The following TTC27 variants were observed in gnomAD, a reference collection of about 807,000 sequenced individuals.
The protein encoded by TTC27 is tetratricopeptide repeat domain 27, also known as tetratricopeptide repeat protein 27.
A neutral mutation model predicts 115.9 loss-of-function variants in TTC27; 79 were observed. The observed-to-expected ratio is 0.68, with a 90% confidence interval of 0.57 to 0.82. TTC27 has a LOEUF of 0.82. Ranked by LOEUF, TTC27 falls within the 40% of genes least tolerant of loss-of-function variation. The pLI is 0.00. For missense variants in TTC27, 1,054 were observed against 993.1 expected (o/e 1.06, Z -0.82); for synonymous variants, 401 against 356.0 (o/e 1.13, Z -1.42).
Position 32,666,776 on chromosome 2 carries a change from G to A in TTC27, c.939+8G>A. ...CAGGAACATTTAACCAAGGCAAGTA[G>A]GACATTAAGTTATTAAATTCAATTA... On this transcript the variant is annotated splice_region_variant and intron_variant, in intron 7 of 19. Coordinates refer to ENST00000317907, the MANE Select transcript of TTC27 (RefSeq NM_017735.5). 6.2e-7 allele frequency: 1 copy of A among 1,610,122 alleles called. No homozygotes were observed. The highest frequency in any genetic ancestry group is 2.2e-5 in the East Asian group (1 of 44,774).
chr2:32,737,223 C>T (rs1251088951), intron 12 of TTC27, among the ~76,000 whole-genome samples: 1 of 152,096 alleles, frequency 6.6e-6, no homozygotes, highest in Non-Finnish European at 1.5e-5. Context: ...TGTGACGACA[C>T]CTCTTGAGGC....
chr2:32,706,586 C>T lies in TTC27; in HGVS notation c.1233+3666C>T, dbSNP rs372994830. On this transcript the variant is annotated intron_variant, in intron 10 of 19. Coordinates refer to ENST00000317907, the MANE Select transcript of TTC27 (RefSeq NM_017735.5). ...CTCCCTCGCCTTTTTGTTTTTGAGA[C>T]AGAGTGTTACTCTTGTCGCCCAGGC... Among the ~76,000 whole-genome samples the T allele has an allele frequency of 4.1e-4, 63 of 152,136 alleles. 1 individual carries two copies. The highest frequency in any genetic ancestry group is 4.4e-4 in the Non-Finnish European group (30 of 67,986).
At chr2:32,639,898 C>T (rs549424889) in intron 3 of TTC27, among the ~76,000 whole-genome samples, 1 of 152,200 alleles carries the variant, frequency 6.6e-6, no homozygotes, top group East Asian at 1.9e-4. Context: ...CAGCTATTCG[C>T]CCAGGCAGGA....
At chr2:32,765,114 A>G (rs1450438928) in intron 13 of TTC27, among the ~76,000 whole-genome samples, 1 of 152,178 alleles carries the variant, frequency 6.6e-6, no homozygotes, top group Non-Finnish European at 1.5e-5. Flanking sequence ...TCCTTTCCAG[A>G]AGATTTTCAA....
chr2:32,725,214 A>G (rs1341669030), intron 10 of TTC27, among the ~76,000 whole-genome samples: 2 of 152,140 alleles, frequency 1.3e-5, no homozygotes, highest in Admixed American at 1.3e-4. Flanking sequence ...TTCAAAATCA[A>G]TCATGCCATC....
chr2:32,807,930 T>TA (rs1415644479), intron 16 of TTC27, among the ~76,000 whole-genome samples: 12 of 143,228 alleles, frequency 8.4e-5, no homozygotes, highest in Admixed American at 7.0e-4. Flanking sequence ...CTTGCCCTCT[T>TA]TTTTTTTTTT....
At chr2:32,773,349 T>C (rs779128805) in intron 13 of TTC27, among the ~76,000 whole-genome samples, 1 of 152,202 alleles carries the variant, frequency 6.6e-6, no homozygotes, top group Non-Finnish European at 1.5e-5. Flanking sequence ...CTATGTTTTC[T>C]TTTGTCCACC....
rs45494293 is a variant in TTC27 at position 32,672,139 on chromosome 2, A to C, written c.940-133A>C. 0.08 allele frequency: 47,220 copies of C among 590,512 alleles called. 2,365 individuals are homozygous for C. The highest frequency in any genetic ancestry group is 0.1 in the Non-Finnish European group (34,725 of 337,714). 36.6% of individuals were successfully genotyped at this position (590,512 alleles called of 1,614,324 possible). The stretch of plus-strand genomic sequence containing the variant: ...AATTGTTTCCAAATATGTGTTTCAC[A>C]AGAAATAGCCTATTGACCATATGTC... On this transcript the variant is annotated intron_variant, in intron 7 of 19. Coordinates refer to ENST00000317907, the MANE Select transcript of TTC27 (RefSeq NM_017735.5).
intron 10 of TTC27, among the ~76,000 whole-genome samples, chr2:32,724,844 A>G (rs1668053339): frequency 6.6e-6 from 1 of 152,214 alleles, no homozygotes; most frequent in South Asian, 2.1e-4. Context: ...TGATACAGAC[A>G]TAGCCAAGAC....
chr2:32,636,997 C>T (rs996863536), intron 3 of TTC27, among the ~76,000 whole-genome samples: 1 of 152,150 alleles, frequency 6.6e-6, no homozygotes, highest in Non-Finnish European at 1.5e-5. Flanking sequence ...TGATGGAGGT[C>T]ATTTGGAGTT....
chr2:32,760,790 G>T (rs1033812263), intron 13 of TTC27, among the ~76,000 whole-genome samples: 1 of 152,160 alleles, frequency 6.6e-6, no homozygotes, highest in Non-Finnish European at 1.5e-5. Context: ...TTAAATCAGT[G>T]CCAGGTGCCT....
chr2:32,696,093 C>T (rs1291185736), intron 9 of TTC27, among the ~76,000 whole-genome samples: 2 of 148,332 alleles, frequency 1.3e-5, no homozygotes, highest in Admixed American at 6.7e-5. Context: ...ACTGGCACTC[C>T]AGCCTGGGTG....
intron 14 of TTC27, among the ~76,000 whole-genome samples, chr2:32,782,085 A>G (rs1025655271): frequency 6.6e-6 from 1 of 152,228 alleles, no homozygotes; most frequent in Non-Finnish European, 1.5e-5. Flanking sequence ...CAACATTTGT[A>G]TAAATTTAAC....
rs538010314 is a variant in TTC27 at position 32,782,615 on chromosome 2, T to C, written c.1780-11T>C. The C allele has an allele frequency of 8.1e-6, 13 of 1,611,102 alleles. No homozygotes were observed. In the South Asian group the frequency reaches 1.2e-4, roughly 15 times the overall value. ...AGAAGAGTTAATTAACTGTGTTCTCTATCATTTCAGAATGCTGAAGCTTGG... is the reference window on the plus strand; with the variant it reads ...AGAAGAGTTAATTAACTGTGTTCTCCATCATTTCAGAATGCTGAAGCTTGG... On this transcript the variant is annotated splice_polypyrimidine_tract_variant and intron_variant, in intron 14 of 19. Transcript: ENST00000317907.
chr2:32,648,438 T>C (rs922529506), intron 4 of TTC27, among the ~76,000 whole-genome samples: 741 of 13,044 alleles, frequency 0.057, 1 homozygote, highest in Middle Eastern at 0.15. Context: ...CACCCCCCCT[T>C]TTTTTTTTTT....
intron 5 of TTC27, among the ~76,000 whole-genome samples, chr2:32,654,313 T>C (rs1665238314): frequency 6.6e-6 from 1 of 152,210 alleles, no homozygotes; most frequent in Admixed American, 6.5e-5. Context: ...TTGAAGTCTT[T>C]AATTATATTA....
At chr2:32,759,774 C>G (rs895899750) in intron 13 of TTC27, among the ~76,000 whole-genome samples, 2 of 152,112 alleles carry the variant, frequency 1.3e-5, no homozygotes, top group Admixed American at 1.3e-4. Context: ...TACTTTCTGT[C>G]TTATGATTTT....
chr2:32,769,815 G>T (rs955006635), intron 13 of TTC27, among the ~76,000 whole-genome samples: 10 of 152,146 alleles, frequency 6.6e-5, no homozygotes, highest in Non-Finnish European at 1.3e-4. Flanking sequence ...TATTGAGGGG[G>T]ATACAGGAGA....
At chr2:32,676,902 T>C (rs780077892) in intron 8 of TTC27, among the ~76,000 whole-genome samples, 6 of 151,748 alleles carry the variant, frequency 4.0e-5, no homozygotes, top group Non-Finnish European at 5.9e-5. Context: ...TCCACTTATA[T>C]ATATTCCATA....
Sources: gnomAD v4.1 joint callset for allele counts (sites outside exome capture counted in the v4.1 genomes callset) on GRCh38, gnomAD v4.1.1 for gene constraint, MANE v1.5 for transcripts, NCBI Gene and HGNC (gene_info 2026-07-23, HGNC 2026-07-21) for gene names.